NELL2: variants seen among roughly 807,000 people sequenced by gnomAD.
The protein encoded by NELL2 is neural EGFL like 2, also known as protein kinase C-binding protein NELL2.
Under a neutral mutation model 109.6 loss-of-function variants are expected in NELL2, and 41 were observed. The ratio of observed to expected loss-of-function variants is 0.37; its 90% CI spans 0.29 to 0.49. NELL2 has a LOEUF of 0.49. Ranked by LOEUF, NELL2 falls within the 20% of genes least tolerant of loss-of-function variation. NELL2 has a pLI of 0.98. For synonymous variants in NELL2, 355 were observed against 344.7 expected (o/e 1.03, Z -0.33); for missense variants, 900 against 1,008.3 (o/e 0.89, Z 1.45).
chr12:44,849,837 C>A (rs1944481478), intron 2 of NELL2, among the ~76,000 whole-genome samples: 1 of 152,034 alleles, frequency 6.6e-6, no homozygotes, highest in African/African-American at 2.4e-5. Context: ...CTGATACATA[C>A]AACATAAATA....
chr12:44,862,403 AGCATTGCCAT>A (rs200632948), intron 2 of NELL2, among the ~76,000 whole-genome samples: 2,275 of 152,348 alleles, frequency 0.015, 19 homozygotes, highest in Non-Finnish European at 0.023. Context: ...TAGAAAATGT[AGCATTGCCAT>A]GCAGATGTTA....
chr12:44,558,065 G>A (rs1166030607), intron 15 of NELL2, among the ~76,000 whole-genome samples: 2 of 152,154 alleles, frequency 1.3e-5, no homozygotes, highest in Non-Finnish European at 2.9e-5. Context: ...ATTTCAAAAA[G>A]TTTGCCTATG....
chr12:44,598,883 A>ACACACACACACACT (rs1265603008), intron 15 of NELL2, among the ~76,000 whole-genome samples: 31 of 144,042 alleles, frequency 2.2e-4, no homozygotes, highest in South Asian at 4.4e-4. Flanking sequence ...ACACACACAC[A>ACACACACACACACT]CTCTCTCTCT....
At chr12:44,810,593 A>T (rs1943142087) in intron 3 of NELL2, among the ~76,000 whole-genome samples, 2 of 151,952 alleles carry the variant, frequency 1.3e-5, no homozygotes, top group Admixed American at 1.3e-4. Flanking sequence ...TGGAATAATT[A>T]CTCATACCAT....
intron 3 of NELL2, among the ~76,000 whole-genome samples, chr12:44,784,833 C>G (rs139775968): frequency 1.3e-5 from 2 of 152,064 alleles, no homozygotes; most frequent in African/African-American, 2.4e-5. Flanking sequence ...ATTCAACACC[C>G]CTTCATGCTA....
At chr12:44,917,503 T>C (rs989744596), upstream of NELL2, among the ~76,000 whole-genome samples, 3 of 152,190 alleles carry the variant, frequency 2.0e-5, no homozygotes, top group African/African-American at 7.2e-5. Flanking sequence ...TCTCTAGGTA[T>C]ATGTGGTGAG....
chr12:44,528,072 T>G (rs1197971084), intron 16 of NELL2, among the ~76,000 whole-genome samples: 3 of 108,518 alleles, frequency 2.8e-5, no homozygotes, highest in African/African-American at 3.7e-5. Context: ...CACTCCAGCC[T>G]GGGCGACAGA....
intron 15 of NELL2, among the ~76,000 whole-genome samples, chr12:44,546,141 C>G (rs549751515): frequency 6.6e-6 from 1 of 152,216 alleles, no homozygotes; most frequent in East Asian, 1.9e-4. Context: ...AATAGCTATT[C>G]TGTATTTATT....
At chr12:44,539,028 T>C (rs1451879826) in intron 15 of NELL2, among the ~76,000 whole-genome samples, 2 of 152,314 alleles carry the variant, frequency 1.3e-5, no homozygotes, top group East Asian at 3.9e-4. Context: ...CTAAAATTAA[T>C]GTTCCTTGGG....
At chr12:44,754,684 G>A (rs1250684879) in intron 9 of NELL2, among the ~76,000 whole-genome samples, 4 of 152,168 alleles carry the variant, frequency 2.6e-5, no homozygotes, top group Non-Finnish European at 5.9e-5. Context: ...GAAGATGATT[G>A]ACTACCTAGA....
intron 15 of NELL2, among the ~76,000 whole-genome samples, chr12:44,556,278 T>C (rs1943251649): frequency 1.3e-5 from 2 of 152,158 alleles, no homozygotes. Flanking sequence ...AATGAGCTAG[T>C]CTCTGTTCCA....
intron 1 of NELL2, among the ~76,000 whole-genome samples, chr12:44,896,687 T>A (rs1412930015): frequency 6.6e-6 from 1 of 152,190 alleles, no homozygotes; most frequent in African/African-American, 2.4e-5. Context: ...ATTAACTAAG[T>A]GGAAGACCAG....
intron 9 of NELL2, among the ~76,000 whole-genome samples, chr12:44,764,128 C>G (rs1478974672): frequency 6.6e-6 from 1 of 152,106 alleles, no homozygotes; most frequent in Non-Finnish European, 1.5e-5. Flanking sequence ...CTTTTGGGAC[C>G]AAAGAAGAAT....
intron 12 of NELL2, among the ~76,000 whole-genome samples, chr12:44,670,148 C>A (rs1236798376): frequency 6.6e-6 from 1 of 152,070 alleles, no homozygotes; most frequent in African/African-American, 2.4e-5. Context: ...GAAAAGCTAT[C>A]CCTCAAAAAT....
chr12:44,791,074 T>TAC lies in NELL2; in HGVS notation c.336-11053_336-11052insGT, dbSNP rs1404173996. Among the ~76,000 whole-genome samples the TAC allele has an allele frequency of 3.8e-3, 30 of 7,892 alleles. 4 individuals are homozygous for TAC. Among genetic ancestry groups the TAC allele is most frequent in the African/African-American group, 6.5e-3 (29 of 4,454 alleles). 5.2% of individuals were successfully genotyped at this position (7,892 alleles called of 152,430 possible). The stretch of plus-strand genomic sequence containing the variant: ...CAAGAAGAAAGTTCAAGTATATATA[T>TAC]ATATATACATATATATATATATGTA... On this transcript the variant is annotated intron_variant, in intron 3 of 19. Coordinates refer to ENST00000429094, the MANE Select transcript of NELL2 (RefSeq NM_001145108.2).
intron 13 of NELL2, among the ~76,000 whole-genome samples, chr12:44,615,800 T>C (rs1199624760): frequency 5.3e-5 from 8 of 152,274 alleles, no homozygotes; most frequent in Admixed American, 4.6e-4. Context: ...ATTAGAATTA[T>C]AGCACTTCTT....
intron 3 of NELL2, among the ~76,000 whole-genome samples, chr12:44,795,610 T>C (rs1356399467): frequency 6.6e-6 from 1 of 152,168 alleles, no homozygotes; most frequent in Non-Finnish European, 1.5e-5. Flanking sequence ...TGAATATGTT[T>C]TTTAAGTGCA....
At position 44,802,915 on chromosome 12, in the gene NELL2, T is replaced by A. The variant is rs555699343; in HGVS notation, c.335+13071A>T. ...GGTGAAGGTCTGATGAGGATCAGGA[T>A]ATTGGAATAAAATTCGAATTTCTCC... On this transcript the variant is annotated intron_variant, in intron 3 of 19. Coordinates refer to ENST00000429094, the MANE Select transcript of NELL2 (RefSeq NM_001145108.2). Among the ~76,000 whole-genome samples, 9 of 152,156 alleles carry A rather than the reference T, an allele frequency of 5.9e-5. No homozygotes were observed. In the South Asian group the frequency reaches 1.9e-3, roughly 32 times the overall value.
At chr12:44,570,856 A>G (rs2136195240) in intron 15 of NELL2, among the ~76,000 whole-genome samples, 1 of 152,300 alleles carries the variant, frequency 6.6e-6, no homozygotes, top group South Asian at 2.1e-4. Context: ...TGGTCTGAAG[A>G]ATTGAACAGA....
Sources: gnomAD v4.1 joint callset for allele counts (sites outside exome capture counted in the v4.1 genomes callset) on GRCh38, gnomAD v4.1.1 for gene constraint, MANE v1.5 for transcripts, NCBI Gene and HGNC (gene_info 2026-07-23, HGNC 2026-07-21) for gene names.